Variants in DEUP1 observed in about 807,000 individuals in gnomAD.
DEUP1 encodes the protein deuterosome assembly protein 1, also known as coiled-coil domain containing 67.
Under a neutral mutation model 87.4 loss-of-function variants are expected in DEUP1, and 82 were observed. The ratio of observed to expected loss-of-function variants is 0.94; its 90% CI spans 0.78 to 1.13. The LOEUF (loss-of-function observed/expected upper bound fraction) is 1.13. Among genes scored for constraint, DEUP1 ranks in the 50% most tolerant of loss-of-function variants. DEUP1 has a pLI of 0.00. For missense variants in DEUP1, 663 were observed against 681.5 expected, an observed-to-expected ratio of 0.97 and a Z score of 0.30; for synonymous variants, 214 against 222.7, an observed-to-expected ratio of 0.96 and a Z score of 0.35.
chr11:93,356,088 G>C (rs372811095), intron 3 of DEUP1, among the ~76,000 whole-genome samples: 14 of 152,280 alleles, frequency 9.2e-5, no homozygotes, highest in African/African-American at 3.4e-4. Context: ...ATATATGAGT[G>C]CTCTCAGGCC....
intron 13 of DEUP1, among the ~76,000 whole-genome samples, chr11:93,436,285 T>C (rs572736680): frequency 1.3e-5 from 2 of 152,298 alleles, no homozygotes; most frequent in South Asian, 4.1e-4. Context: ...TAATATATGA[T>C]GTTCCATGTG....
chr11:93,367,258 T>C (rs1020702750), intron 5 of DEUP1, among the ~76,000 whole-genome samples: 10 of 152,206 alleles, frequency 6.6e-5, no homozygotes, highest in Admixed American at 3.9e-4. Flanking sequence ...TAGGCACTTA[T>C]GGATTTTAAA....
At chr11:93,369,093 T>C (rs1159857897) in intron 5 of DEUP1, among the ~76,000 whole-genome samples, 1 of 152,098 alleles carries the variant, frequency 6.6e-6, no homozygotes, top group Non-Finnish European at 1.5e-5. Flanking sequence ...GTGAGGGCCC[T>C]TCTCCTGGTT....
At chr11:93,398,721 ATT>A (rs34737091) in intron 11 of DEUP1, among the ~76,000 whole-genome samples, 31,736 of 137,520 alleles carry the variant, frequency 0.23, 3,257 homozygotes, top group Middle Eastern at 0.37. Flanking sequence ...TTCATGTCAA[ATT>A]TTTTTTTTTT....
In DEUP1 at chr11:93,332,122, T is replaced by C. The variant is rs1943522564; in HGVS notation, c.-44-94T>C. 3.3e-5 allele frequency: 22 copies of C among 669,658 alleles called. No individual in the cohort carries two copies. In the South Asian group the frequency reaches 4.2e-4, roughly 13 times the overall value. 41.5% of individuals were successfully genotyped at this position (669,658 alleles called of 1,614,324 possible). A position where few individuals can be genotyped will look rare whatever the true frequency, so the allele number is the denominator to read the frequency against. ...AAGAGCTACTACACAGAAAAACTCATACTAAATGGTTTTTGCCAGTAGCAA... is the reference window on the plus strand; with the variant it reads ...AAGAGCTACTACACAGAAAAACTCACACTAAATGGTTTTTGCCAGTAGCAA... On this transcript the variant is annotated intron_variant, in intron 1 of 13. Coordinates refer to ENST00000298050, the MANE Select transcript of DEUP1 (RefSeq NM_181645.4).
chr11:93,391,723 A>C (rs1217333614), intron 9 of DEUP1, among the ~76,000 whole-genome samples: 2 of 152,100 alleles, frequency 1.3e-5, no homozygotes, highest in East Asian at 3.9e-4. Context: ...AAAAAAAAAA[A>C]AAAAAGTTCC....
intron 7 of DEUP1, among the ~76,000 whole-genome samples, chr11:93,376,663 G>A (rs1946056595): frequency 6.6e-6 from 1 of 151,962 alleles, no homozygotes; most frequent in Non-Finnish European, 1.5e-5. Flanking sequence ...TATTGGGTTT[G>A]AGTTTGGTTT....
chr11:93,413,907 A>G (rs567566948), intron 12 of DEUP1, among the ~76,000 whole-genome samples: 168 of 152,336 alleles, frequency 1.1e-3, no homozygotes, highest in African/African-American at 3.7e-3. Flanking sequence ...GAACTTTTAA[A>G]TCTTAGTCTC....
intron 11 of DEUP1, among the ~76,000 whole-genome samples, chr11:93,397,394 G>C (rs1022039049): frequency 6.6e-6 from 1 of 152,072 alleles, no homozygotes; most frequent in African/African-American, 2.4e-5. Flanking sequence ...TAAAAAAACT[G>C]TGTGTCATCT....
At chr11:93,376,351 G>A (rs1418924620) in intron 7 of DEUP1, among the ~76,000 whole-genome samples, 1 of 152,132 alleles carries the variant, frequency 6.6e-6, no homozygotes, top group Admixed American at 6.5e-5. Context: ...TACTCTGGGA[G>A]GGTTGTATAT....
At chr11:93,398,367 G>A (rs11020306) in intron 11 of DEUP1, among the ~76,000 whole-genome samples, 38,434 of 151,994 alleles carry the variant, frequency 0.25, 5,222 homozygotes, top group Middle Eastern at 0.38. Flanking sequence ...CGAATGAACA[G>A]TACTGTAAGA....
chr11:93,435,218 C>T (rs1948209003), intron 13 of DEUP1, among the ~76,000 whole-genome samples: 1 of 152,126 alleles, frequency 6.6e-6, no homozygotes, highest in South Asian at 2.1e-4. Flanking sequence ...CAAGTTGCCA[C>T]CAAGAGGCTG....
intron 4 of DEUP1, among the ~76,000 whole-genome samples, 194 bp from the exon 5 acceptor site, chr11:93,363,966 A>G (rs1307486574): frequency 6.6e-6 from 1 of 151,986 alleles, no homozygotes; most frequent in Non-Finnish European, 1.5e-5. Context: ...TTTACATGAA[A>G]GCTGAATTGT....
intron 3 of DEUP1, among the ~76,000 whole-genome samples, chr11:93,356,456 TAA>T (rs945426923): frequency 1.3e-5 from 2 of 152,226 alleles, no homozygotes; most frequent in Admixed American, 6.5e-5. Flanking sequence ...ATCTGCCTTT[TAA>T]AGAGACAAAT....
intron 9 of DEUP1, among the ~76,000 whole-genome samples, chr11:93,391,006 C>T (rs1444004243): frequency 8.1e-5 from 12 of 148,240 alleles, no homozygotes; most frequent in African/African-American, 2.5e-4. Context: ...TGCTTGAACT[C>T]GGGAGGCGGA....
intron 2 of DEUP1, among the ~76,000 whole-genome samples, chr11:93,336,261 A>T (rs1943760098): frequency 6.6e-6 from 1 of 151,866 alleles, no homozygotes; most frequent in Non-Finnish European, 1.5e-5. Context: ...AGAAGGGGGG[A>T]GTTGCATCTC....
At chr11:93,394,726 A>G in intron 10 of DEUP1, 70 bp downstream of exon 10, 1 of 994,494 alleles carries the variant, frequency 1.0e-6, no homozygotes. Context: ...AGCCTTCATT[A>G]TTGACTAATG....
chr11:93,378,319 CT>C (rs1186724881), intron 7 of DEUP1, among the ~76,000 whole-genome samples: 1 of 151,908 alleles, frequency 6.6e-6, no homozygotes, highest in Non-Finnish European at 1.5e-5. Flanking sequence ...TCTTTTTTGT[CT>C]TTGTCAGATT....
chr11:93,344,214 C>G (rs570739913), intron 2 of DEUP1, among the ~76,000 whole-genome samples: 2 of 152,078 alleles, frequency 1.3e-5, no homozygotes, highest in East Asian at 3.9e-4. Flanking sequence ...AGGACTTCTG[C>G]TGGGGGTTCT....
Sources: allele counts gnomAD v4.1 joint callset (sites outside exome capture counted in the v4.1 genomes callset), GRCh38; gene constraint gnomAD v4.1.1; transcripts MANE v1.5; gene names NCBI Gene and HGNC (gene_info 2026-07-23, HGNC 2026-07-21).